KIRREL3: variants seen among roughly 807,000 people sequenced by gnomAD.
The protein encoded by KIRREL3 is kin of IRRE-like protein 3.
KIRREL3 carries 36 observed loss-of-function variants against 89.7 expected under a neutral mutation model. The ratio of observed to expected loss-of-function variants is 0.40; its 90% CI spans 0.31 to 0.53. The LOEUF is 0.53. Ranked by LOEUF, KIRREL3 falls within the 20% of genes least tolerant of loss-of-function variation. The probability of loss-of-function intolerance (pLI) is 0.49; values close to 1 mark genes in which losing one functional copy is unlikely to be tolerated. For missense variants in KIRREL3, 864 were observed against 1,056.6 expected (o/e 0.82, Z 2.53); for synonymous variants, 445 against 441.4 (o/e 1.01, Z -0.10).
At chr11:126,921,963 ATATC>A (rs146200311) in intron 1 of KIRREL3, among the ~76,000 whole-genome samples, 35,351 of 139,580 alleles carry the variant, frequency 0.25, 4,517 homozygotes, top group African/African-American at 0.3. Context: ...CTGTATATCT[ATATC>A]TATCTATCTA....
intron 1 of KIRREL3, among the ~76,000 whole-genome samples, chr11:126,979,100 C>T (rs1949655872): frequency 6.6e-6 from 1 of 152,132 alleles, no homozygotes; most frequent in Admixed American, 6.6e-5. Context: ...CCGAATTCAC[C>T]CGGAACAAAA....
At position 126,769,136 on chromosome 11, in the gene KIRREL3, C is replaced by T. The variant is rs1949940487; in HGVS notation, c.56-206224G>A. On this transcript the variant is annotated intron_variant, in intron 1 of 16. Transcript: ENST00000525144. The surrounding 1 kb of genome is among the most constrained non-coding windows in gnomAD (Gnocchi z 4.3). ...AGGTATCTCTTCCTCTGTGAGGCTTCCCCTCTTCCCACAGGTCCCATCTCT... is the reference window on the plus strand; with the variant it reads ...AGGTATCTCTTCCTCTGTGAGGCTTTCCCTCTTCCCACAGGTCCCATCTCT... Among the ~76,000 whole-genome samples, 1 of 152,204 alleles carries T rather than the reference C, an allele frequency of 6.6e-6. No homozygotes were observed. Among genetic ancestry groups the T allele is most frequent in the Admixed American group, 6.5e-5 (1 of 15,282 alleles).
chr11:126,615,721 C>A lies in KIRREL3; in HGVS notation c.56-52809G>T, dbSNP rs1565594506. ...CAGTTACTGCTCTATCAGCCACCTACCCCACATTCCTCCAGTGAGGTGTTG... is the reference window on the plus strand; with the variant it reads ...CAGTTACTGCTCTATCAGCCACCTAACCCACATTCCTCCAGTGAGGTGTTG... On this transcript the variant is annotated intron_variant, in intron 1 of 16. Transcript: ENST00000525144. The surrounding 1 kb of genome is among the most constrained non-coding windows in gnomAD (Gnocchi z 5.4). 6.6e-6 allele frequency among the ~76,000 whole-genome samples: 1 copy of A among 152,206 alleles called. No individual in the cohort carries two copies. Among genetic ancestry groups the A allele is most frequent in the Non-Finnish European group, 1.5e-5 (1 of 68,040 alleles).
chr11:126,661,712 G>C, intron 1 of KIRREL3, among the ~76,000 whole-genome samples: 1 of 152,202 alleles, frequency 6.6e-6, no homozygotes, highest in Non-Finnish European at 1.5e-5. Context: ...AGAATCACCT[G>C]AGGGAGCTAG....
In KIRREL3 at chr11:126,703,873, A is replaced by G. The variant is rs1368681039; in HGVS notation, c.56-140961T>C. ...CAACACAGGCCATTAATCTCACTCA[A>G]GGGCCAGTGCTGGCAGCGGTTATGC... On this transcript the variant is annotated intron_variant, in intron 1 of 16. Transcript: ENST00000525144. This position sits in a 1 kb window ranked among gnomAD's most constrained non-coding sequence, Gnocchi z 4.6. Among the ~76,000 whole-genome samples, 2 of 152,198 alleles carry G rather than the reference A, an allele frequency of 1.3e-5. No homozygotes were observed. The highest frequency in any genetic ancestry group is 1.3e-4 in the Admixed American group (2 of 15,284).
chr11:126,440,578 C>G (rs1955525585), intron 10 of KIRREL3, 29 bp from the exon 11 acceptor site: 1 of 1,561,170 alleles, frequency 6.4e-7, no homozygotes, highest in Non-Finnish European at 8.7e-7. Context: ...CCATTAGGCA[C>G]CCGGGAAGGG....
Position 126,776,060 on chromosome 11 carries a change from C to T in KIRREL3, c.56-213148G>A, listed in dbSNP as rs576086763. Among the ~76,000 whole-genome samples, 3 of 152,316 alleles carry T rather than the reference C, an allele frequency of 2.0e-5. No homozygotes were observed. Among genetic ancestry groups the T allele is most frequent in the Admixed American group, 6.5e-5 (1 of 15,308 alleles). On this transcript the variant is annotated intron_variant, in intron 1 of 16. Coordinates refer to ENST00000525144, the MANE Select transcript of KIRREL3 (RefSeq NM_032531.4). This position sits in a 1 kb window ranked among gnomAD's most constrained non-coding sequence, Gnocchi z 4.7. ...GAGTGGGAGCCTGGGGAAGCTCCCC[C>T]AGAGGGAAGTCAGGCCTGGCCTGGG... is the stretch of plus-strand genomic sequence containing the variant.
At chr11:126,630,972 A>T (rs944363041) in intron 1 of KIRREL3, among the ~76,000 whole-genome samples, 10 of 152,096 alleles carry the variant, frequency 6.6e-5, no homozygotes, top group Non-Finnish European at 5.9e-5. Flanking sequence ...TTTCTCCTTG[A>T]CACGTCCTGC....
intron 15 of KIRREL3, 69 bp from the exon 16 acceptor site, chr11:126,425,793 T>A: frequency 7.8e-7 from 1 of 1,279,334 alleles, no homozygotes; most frequent in Non-Finnish European, 1.1e-6. Context: ...AAGGAAAAGA[T>A]GAGATCAGAA....
At chr11:126,956,848 C>A (rs1025732580) in intron 1 of KIRREL3, among the ~76,000 whole-genome samples, 3 of 152,142 alleles carry the variant, frequency 2.0e-5, no homozygotes, top group African/African-American at 7.2e-5. Flanking sequence ...TCTACAAGCA[C>A]TTTTTACAAC....
rs980189206 is a variant in KIRREL3 at position 126,990,521 on chromosome 11, C to G, written c.55+9934G>C. ...CCTCCCGGGCTCTGCTCTCTCTGGGCAGGTTCAGGGCTTTGCAAGCGCTGC... is the reference window on the plus strand; with the variant it reads ...CCTCCCGGGCTCTGCTCTCTCTGGGGAGGTTCAGGGCTTTGCAAGCGCTGC... On this transcript the variant is annotated intron_variant, in intron 1 of 16. Coordinates refer to ENST00000525144, the MANE Select transcript of KIRREL3 (RefSeq NM_032531.4). This position sits in a 1 kb window ranked among gnomAD's most constrained non-coding sequence, Gnocchi z 6.3. Among the ~76,000 whole-genome samples the G allele has an allele frequency of 6.6e-6, 1 of 151,838 alleles. No homozygotes were observed. Among genetic ancestry groups the G allele is most frequent in the Non-Finnish European group, 1.5e-5 (1 of 67,978 alleles).
At chr11:126,960,536 T>C (rs1949052866) in intron 1 of KIRREL3, among the ~76,000 whole-genome samples, 1 of 152,342 alleles carries the variant, frequency 6.6e-6, no homozygotes, top group African/African-American at 2.4e-5. Flanking sequence ...GGATCTGATT[T>C]GAATTGCGGT....
chr11:126,716,716 T>C (rs1245566476), intron 1 of KIRREL3, among the ~76,000 whole-genome samples: 1 of 120,168 alleles, frequency 8.3e-6, no homozygotes, highest in African/African-American at 3.4e-5. Flanking sequence ...AGGTATTTAC[T>C]AGCCTGAGTG....
chr11:126,436,666 A>G, intron 12 of KIRREL3, 145 bp downstream of exon 12: 1 of 830,228 alleles, frequency 1.2e-6, no homozygotes, highest in South Asian at 1.7e-5. Flanking sequence ...CTGGCTGGCT[A>G]GGCTGTGTGG....
rs759340842 is a variant in KIRREL3 at position 126,643,211 on chromosome 11, A to G, written c.56-80299T>C. Among the ~76,000 whole-genome samples the G allele has an allele frequency of 6.6e-6, 1 of 152,242 alleles. No individual in the cohort carries two copies. The highest frequency in any genetic ancestry group is 1.5e-5 in the Non-Finnish European group (1 of 68,042). On this transcript the variant is annotated intron_variant, in intron 1 of 16. Transcript: ENST00000525144. The surrounding 1 kb of genome is among the most constrained non-coding windows in gnomAD (Gnocchi z 4.5). ...CAAGAATATTAATGGTATCTATTTC[A>G]TAGGGTTAACATGGGAATTAAAGAA...
intron 1 of KIRREL3, among the ~76,000 whole-genome samples, chr11:126,680,687 A>AATATG (rs1946413992): frequency 6.6e-6 from 1 of 152,094 alleles, no homozygotes; most frequent in South Asian, 2.1e-4. Context: ...GAGGAAGAAA[A>AATATG]ATATGCAGAA....
rs776566017 is a variant in KIRREL3 at position 126,694,869 on chromosome 11, C to A, written c.56-131957G>T. 6.6e-6 allele frequency among the ~76,000 whole-genome samples: 1 copy of A among 152,156 alleles called. No homozygotes were observed. The highest frequency in any genetic ancestry group is 1.5e-5 in the Non-Finnish European group (1 of 68,026). On this transcript the variant is annotated intron_variant, in intron 1 of 16. Coordinates refer to ENST00000525144, the MANE Select transcript of KIRREL3 (RefSeq NM_032531.4). This position sits in a 1 kb window ranked among gnomAD's most constrained non-coding sequence, Gnocchi z 4.4. Reference sequence around the variant, plus strand: ...CTGGAAGAGACAGGTAAGTCCCCAACCTATCTTCATTTTCTTAACCTATGC... The same window carrying A: ...CTGGAAGAGACAGGTAAGTCCCCAAACTATCTTCATTTTCTTAACCTATGC...
chr11:126,746,968 T>C (rs1949172905), intron 1 of KIRREL3, among the ~76,000 whole-genome samples: 1 of 152,216 alleles, frequency 6.6e-6, no homozygotes, highest in Admixed American at 6.5e-5. Context: ...CTGCTTTTAG[T>C]GTGCTCTGTT....
intron 1 of KIRREL3, among the ~76,000 whole-genome samples, chr11:126,937,708 G>T (rs1410202265): frequency 6.6e-6 from 1 of 152,084 alleles, no homozygotes; most frequent in African/African-American, 2.4e-5. Context: ...GACCATCCTG[G>T]CTAACACAGT....
Sources: gnomAD v4.1 joint callset for allele counts (sites outside exome capture counted in the v4.1 genomes callset) on GRCh38, gnomAD v4.1.1 for gene constraint, Gnocchi (gnomAD v3.1) non-coding constraint, MANE v1.5 for transcripts, NCBI Gene and HGNC (gene_info 2026-07-23, HGNC 2026-07-21) for gene names.